TLN2: variants seen among roughly 807,000 people sequenced by gnomAD.
TLN2 encodes talin 2.
A neutral mutation model predicts 294.7 loss-of-function variants in TLN2; 118 were observed. That is an observed-to-expected ratio of 0.40 (90% CI 0.34 to 0.47). TLN2 has a LOEUF of 0.47. Among genes scored for constraint, TLN2 ranks in the 20% least tolerant of loss-of-function variants. The probability of loss-of-function intolerance (pLI) is 0.84; values close to 1 mark genes in which losing one functional copy is unlikely to be tolerated. For missense variants in TLN2, 3,083 were observed against 3,282.2 expected, an observed-to-expected ratio of 0.94 and a Z score of 1.48; for synonymous variants, 1,431 against 1,304.5, an observed-to-expected ratio of 1.10 and a Z score of -2.09.
chr15:62,714,821 AT>A (rs1567435758), intron 22 of TLN2, among the ~76,000 whole-genome samples: 1 of 152,110 alleles, frequency 6.6e-6, no homozygotes, highest in Non-Finnish European at 1.5e-5. Flanking sequence ...AGTACCCCAT[AT>A]CTGATACATA....
intron 1 of TLN2, among the ~76,000 whole-genome samples, chr15:62,535,766 G>A (rs1192134340): frequency 6.6e-6 from 1 of 152,052 alleles, no homozygotes; most frequent in Non-Finnish European, 1.5e-5. Flanking sequence ...TGTTGGTCAG[G>A]CTGGTCTCGA....
At chr15:62,505,366 G>A (rs1451977516) in intron 1 of TLN2, among the ~76,000 whole-genome samples, 1 of 152,198 alleles carries the variant, frequency 6.6e-6, no homozygotes, top group African/African-American at 2.4e-5. Flanking sequence ...TACACACTGT[G>A]CTGATGAAGA....
intron 1 of TLN2, among the ~76,000 whole-genome samples, chr15:62,470,543 A>G (rs2037411515): frequency 6.6e-6 from 1 of 152,252 alleles, no homozygotes; most frequent in Non-Finnish European, 1.5e-5. Flanking sequence ...GAGCACGGGC[A>G]GGAAGAGGCC....
chr15:62,491,336 A>AT (rs1567024323), intron 1 of TLN2, among the ~76,000 whole-genome samples: 26 of 95,828 alleles, frequency 2.7e-4, no homozygotes, highest in Non-Finnish European at 4.7e-4. Context: ...CAAAAAAAAA[A>AT]AATATATATA....
intron 1 of TLN2, among the ~76,000 whole-genome samples, chr15:62,577,181 C>T (rs1865483): frequency 0.12 from 17,965 of 152,254 alleles, 1,400 homozygotes; most frequent in Non-Finnish European, 0.17. Context: ...CGGTGGCTCA[C>T]GCCTGTAATC....
intron 37 of TLN2, among the ~76,000 whole-genome samples, chr15:62,760,728 C>A (rs1031624791): frequency 2.0e-5 from 3 of 152,166 alleles, no homozygotes; most frequent in African/African-American, 7.2e-5. Flanking sequence ...GGATCCTTAT[C>A]CATCCAGACC....
chr15:62,800,320 A>G (rs1205053120), intron 48 of TLN2, 48 bp from the exon 49 acceptor site: 1 of 1,596,146 alleles, frequency 6.3e-7, no homozygotes, highest in Non-Finnish European at 8.5e-7. Context: ...TAAAGCCCAC[A>G]GCTGACATCT....
At chr15:62,693,912 G>GT (rs1013384777) in intron 13 of TLN2, among the ~76,000 whole-genome samples, 16 of 139,272 alleles carry the variant, frequency 1.1e-4, no homozygotes, top group Admixed American at 4.1e-4. Flanking sequence ...CCTTCAAAAT[G>GT]TTTTTTTAAA....
At chr15:62,776,703 C>T in intron 42 of TLN2, 61 bp from the exon 43 acceptor site, 1 of 1,348,696 alleles carries the variant, frequency 7.4e-7, no homozygotes, top group South Asian at 2.2e-5. Context: ...GAAGGTTATT[C>T]TTAGAAGACT....
At chr15:62,662,928 A>G (rs2054057403) in intron 9 of TLN2, among the ~76,000 whole-genome samples, 1 of 139,122 alleles carries the variant, frequency 7.2e-6, no homozygotes, top group South Asian at 2.4e-4. Context: ...GGTTCACTCC[A>G]TTCTCCTGCC....
chr15:62,691,212 G>T (rs1353680056), intron 12 of TLN2, among the ~76,000 whole-genome samples: 3 of 152,154 alleles, frequency 2.0e-5, no homozygotes, highest in African/African-American at 4.8e-5. Context: ...GTCCTCTCCT[G>T]TTACTCTGAT....
At chr15:62,628,137 G>A (rs1005564122) in intron 3 of TLN2, among the ~76,000 whole-genome samples, 2 of 152,236 alleles carry the variant, frequency 1.3e-5, no homozygotes, top group African/African-American at 4.8e-5. Flanking sequence ...AATGCTAATT[G>A]ATGGTTATTG....
At chr15:62,664,125 G>A (rs1393903949) in intron 9 of TLN2, among the ~76,000 whole-genome samples, 1 of 151,624 alleles carries the variant, frequency 6.6e-6, no homozygotes, top group Non-Finnish European at 1.5e-5. Context: ...TATCTTATTA[G>A]GAAAAGACCT....
chr15:62,606,117 T>A (rs774344415), intron 2 of TLN2, among the ~76,000 whole-genome samples: 2 of 152,214 alleles, frequency 1.3e-5, no homozygotes, highest in Non-Finnish European at 2.9e-5. Flanking sequence ...AGTCTCACTC[T>A]GTCGCCCAGG....
chr15:62,598,551 A>C (rs1424775488), intron 2 of TLN2, among the ~76,000 whole-genome samples: 1 of 151,714 alleles, frequency 6.6e-6, no homozygotes, highest in African/African-American at 2.4e-5. Flanking sequence ...CTCTTACCCA[A>C]CCCTGCTGGT....
chr15:62,762,604 G>C lies in TLN2; in HGVS notation c.4961+151G>C, dbSNP rs934971014. Reference sequence around the variant, plus strand: ...GGGGCCGGAAGCACTGGTCACAATAGTAATTGCTAACTTAAGTACTTACCA... The same window carrying C: ...GGGGCCGGAAGCACTGGTCACAATACTAATTGCTAACTTAAGTACTTACCA... On this transcript the variant is annotated intron_variant, in intron 39 of 58. Coordinates refer to ENST00000636159, the MANE Select transcript of TLN2 (RefSeq NM_015059.3). The C allele has an allele frequency of 1.1e-5, 9 of 849,794 alleles. No individual in the cohort carries two copies. In the African/African-American group the frequency reaches 1.2e-4, roughly 11 times the overall value. The allele number at this position is 849,794 out of a possible 1,614,324, so 52.6% of individuals were successfully genotyped here.
rs1260414773 is a variant in TLN2, at chr15:62,690,815, A to G, written c.1114-2025A>G. On this transcript the variant is annotated intron_variant, in intron 12 of 58. Transcript: ENST00000636159. The stretch of plus-strand genomic sequence containing the variant: ...CACTCGCGGTTAGGAGCTGGAGACC[A>G]GCCCGGCCAACACAGCGAAACCCCG... Among the ~76,000 whole-genome samples, 47 of 151,528 alleles carry G rather than the reference A, an allele frequency of 3.1e-4. No homozygotes were observed. The East Asian group carries it at 3.1e-3, about 10-fold the overall frequency.
At chr15:62,702,921 C>A in intron 19 of TLN2, 57 bp downstream of exon 19, 1 of 1,469,340 alleles carries the variant, frequency 6.8e-7, no homozygotes, top group South Asian at 1.1e-5. Flanking sequence ...GGTCTAGACC[C>A]GAGCAGGCAG....
intron 1 of TLN2, among the ~76,000 whole-genome samples, chr15:62,504,794 A>T (rs1169787322): frequency 1.3e-5 from 2 of 151,480 alleles, no homozygotes; most frequent in Non-Finnish European, 2.9e-5. Context: ...ACAGGAAGAA[A>T]GGGTAACAGA....
Sources: allele counts gnomAD v4.1 joint callset (sites outside exome capture counted in the v4.1 genomes callset), GRCh38; gene constraint gnomAD v4.1.1; transcripts MANE v1.5; gene names NCBI Gene and HGNC (gene_info 2026-07-23, HGNC 2026-07-21).